The following SIGLEC11 variants were observed in gnomAD, a reference collection of about 807,000 sequenced individuals.
SIGLEC11 encodes the protein sialic acid binding Ig like lectin 11.
In SIGLEC11, 47 loss-of-function variants were observed where a neutral mutation model predicts 61.2. The observed-to-expected ratio is 0.77, with a 90% CI of 0.61 to 0.98. The LOEUF is 0.98. Ranked by LOEUF, SIGLEC11 falls within the 50% of genes least tolerant of loss-of-function variation. SIGLEC11 has a pLI of 0.00. For synonymous variants in SIGLEC11, 278 were observed against 373.1 expected (o/e 0.75, Z 2.94); for missense variants, 610 against 870.3 (o/e 0.70, Z 3.76).
In SIGLEC11 at chr19:49,955,648, T is replaced by G. The variant is rs1342811067; in HGVS notation, c.1651+2635A>C. On this transcript the variant is annotated intron_variant, in intron 8 of 10. Transcript: ENST00000447370. The surrounding 1 kb of genome is among the most constrained non-coding windows in gnomAD (Gnocchi z 4.5). ...CAGCAGCCCTCATAAAAAGAAAAAT[T>G]AGCAGGCCGGGCATGGCGGCTCACA... 6.6e-6 allele frequency among the ~76,000 whole-genome samples: 1 copy of G among 151,998 alleles called. No homozygotes were observed. The highest frequency in any genetic ancestry group is 2.4e-5 in the African/African-American group (1 of 41,386).
Position 49,955,339 on chromosome 19 carries a change from A to G in SIGLEC11, c.1651+2944T>C, listed in dbSNP as rs1488722550. Among the ~76,000 whole-genome samples the G allele has an allele frequency of 2.0e-5, 3 of 150,668 alleles. No homozygotes were observed. The highest frequency in any genetic ancestry group is 3.0e-5 in the Non-Finnish European group (2 of 67,580). On this transcript the variant is annotated intron_variant, in intron 8 of 10. Coordinates refer to ENST00000447370, the MANE Select transcript of SIGLEC11 (RefSeq NM_052884.3). The surrounding 1 kb of genome is among the most constrained non-coding windows in gnomAD (Gnocchi z 4.5). ...CAAAAAAAAAAAAAAAAAGAAAGGC[A>G]TAATTCTTACAACTTGCGGCAGGCA...
intron 8 of SIGLEC11, among the ~76,000 whole-genome samples, chr19:49,953,687 C>T (rs898320076): frequency 2.0e-5 from 3 of 152,060 alleles, no homozygotes; most frequent in Non-Finnish European, 2.9e-5. Context: ...AGGAGCTGCC[C>T]TACAGCTCAG....
intron 8 of SIGLEC11, 88 bp downstream of exon 8, chr19:49,958,195 A>G: frequency 6.4e-7 from 1 of 1,571,084 alleles, no homozygotes; most frequent in South Asian, 1.2e-5. Flanking sequence ...CACCACGCCC[A>G]CACCCTCTCC....
chr19:49,958,320 G>A lies in SIGLEC11; in HGVS notation c.1614C>T (p.His538=), dbSNP rs201518215. ...GGAAGACAGAGCCACTCTGGGCCCCGTGGACGTTCCAGGCCTTACAGCGGA... is the reference window on the plus strand; with the variant it reads ...GGAAGACAGAGCCACTCTGGGCCCCATGGACGTTCCAGGCCTTACAGCGGA... The part of the protein sequence containing the change: ...LRLRCKAWNV[H]GAQSGSVFQL... The change falls in exon 8 of 11, where the codon CAC becomes CAT. Residue 538 remains histidine (H), a synonymous_variant. Transcript: ENST00000447370. 60 of 1,614,046 alleles carry A rather than the reference G, an allele frequency of 3.7e-5. No homozygotes were observed. The highest frequency in any genetic ancestry group is 4.9e-5 in the Non-Finnish European group (58 of 1,180,040).
In SIGLEC11 at chr19:49,956,991, G is replaced by T. The variant is rs2076201018; in HGVS notation, c.1651+1292C>A. Among the ~76,000 whole-genome samples, 4 of 152,192 alleles carry T rather than the reference G, an allele frequency of 2.6e-5. No individual in the cohort carries two copies. In the South Asian group the frequency reaches 8.3e-4, roughly 31 times the overall value. ...TGCAAAAATAAAAAAATTAGCCCAT[G>T]TTCCAGTTCAAACTTGGAAAGGGTG... On this transcript the variant is annotated intron_variant, in intron 8 of 10. Coordinates refer to ENST00000447370, the MANE Select transcript of SIGLEC11 (RefSeq NM_052884.3).
chr19:49,949,988 T>G lies in SIGLEC11; in HGVS notation c.2079A>C (p.Ser693=). 1 of 1,493,578 alleles carries G rather than the reference T, an allele frequency of 6.7e-7. No homozygotes were observed. Among genetic ancestry groups the G allele is most frequent in the Non-Finnish European group, 8.9e-7 (1 of 1,117,868 alleles). The allele number at this position is 1,493,578 out of a possible 1,614,324, so 92.5% of individuals were successfully genotyped here. Residue 693 remains serine (S), a synonymous_variant, in exon 11 of 11, where the codon TCA becomes TCC. Transcript: ENST00000447370. ...GACCTCTTCACTTTGGAACCATCCCTGACATCTCCCTCTCCAATTGAAGCC... is the reference window on the plus strand; with the variant it reads ...GACCTCTTCACTTTGGAACCATCCCGGACATCTCCCTCTCCAATTGAAGCC... ...GFGLQLEREM[S]GMVPK is the part of the protein sequence containing the mutation.
chr19:49,959,256 C>T (rs577959438), intron 5 of SIGLEC11, 104 bp downstream of exon 5: 13 of 1,543,408 alleles, frequency 8.4e-6, no homozygotes, highest in Middle Eastern at 4.9e-4. Flanking sequence ...GGTCAGTCCC[C>T]GAGGCCTGGG....
chr19:49,956,278 C>T (rs901634832), intron 8 of SIGLEC11, among the ~76,000 whole-genome samples: 3 of 152,176 alleles, frequency 2.0e-5, no homozygotes, highest in African/African-American at 7.2e-5. Context: ...AGTAAAAGAA[C>T]TAAACTGCTT....
chr19:49,959,130 G>A, intron 5 of SIGLEC11, 53 bp from the exon 6 acceptor site: 1 of 1,605,398 alleles, frequency 6.2e-7, no homozygotes, highest in Non-Finnish European at 8.5e-7. Flanking sequence ...TTCCCTCTGG[G>A]TAAAGGGAAC....
rs1388081915 is a variant in SIGLEC11, at chr19:49,958,764, C to T, written c.1242G>A (p.Gln414=). The change falls in exon 7 of 11, where the codon CAG becomes CAA. Residue 414 remains glutamine, a synonymous_variant. Coordinates refer to ENST00000447370, the MANE Select transcript of SIGLEC11 (RefSeq NM_052884.3). ...GCTCCAGGACCCCGGGGTCTGAGGG[C>T]TGGGAGGGGCCCACGGTCTGTCCCC... ...TRWGQTVGPS[Q]PSDPGVLELP... is the part of the protein sequence containing the mutation. The T allele has an allele frequency of 1.2e-6, 2 of 1,613,730 alleles. No homozygotes were observed. The highest frequency in any genetic ancestry group is 1.7e-6 in the Non-Finnish European group (2 of 1,179,900).
At chr19:49,958,174 C>A in intron 8 of SIGLEC11, 109 bp downstream of exon 8, 1 of 1,501,084 alleles carries the variant, frequency 6.7e-7, no homozygotes, top group South Asian at 1.2e-5. Flanking sequence ...GACTTTGTCC[C>A]CATCCCTTCC....
chr19:49,951,065 A>G lies in SIGLEC11; in HGVS notation c.1830+826T>C, dbSNP rs891746678. Among the ~76,000 whole-genome samples, 3 of 152,208 alleles carry G rather than the reference A, an allele frequency of 2.0e-5. No individual in the cohort carries two copies. The highest frequency in any genetic ancestry group is 4.8e-5 in the African/African-American group (2 of 41,454). ...GACCTGGGACCACAAGCCAGGCCAC[A>G]TAGTTTACGCCAGCACTGGGACTTA... On this transcript the variant is annotated intron_variant, in intron 10 of 10. Coordinates refer to ENST00000447370, the MANE Select transcript of SIGLEC11 (RefSeq NM_052884.3). The surrounding 1 kb of genome is among the most constrained non-coding windows in gnomAD (Gnocchi z 4.6).
chr19:49,952,037 A>T (rs1478068350), intron 9 of SIGLEC11, 65 bp from the exon 10 acceptor site: 1 of 1,491,606 alleles, frequency 6.7e-7, no homozygotes, highest in Non-Finnish European at 9.0e-7. Flanking sequence ...ACTGCTACCC[A>T]CATGGCTTAG....
At chr19:49,956,091 C>T (rs1023030950) in intron 8 of SIGLEC11, among the ~76,000 whole-genome samples, 7 of 152,094 alleles carry the variant, frequency 4.6e-5, no homozygotes, top group African/African-American at 7.2e-5. Flanking sequence ...ACTATGTTTG[C>T]GGAGGGACTA....
chr19:49,957,152 A>G (rs531499651), intron 8 of SIGLEC11, among the ~76,000 whole-genome samples: 3 of 152,318 alleles, frequency 2.0e-5, no homozygotes, highest in South Asian at 2.1e-4. Flanking sequence ...GAAGCATTCA[A>G]TCAACTATAA....
At chr19:49,954,483 T>C (rs1468005403) in intron 8 of SIGLEC11, among the ~76,000 whole-genome samples, 1 of 152,128 alleles carries the variant, frequency 6.6e-6, no homozygotes, top group Non-Finnish European at 1.5e-5. Context: ...CAAATGCCTG[T>C]CAGGGAGATG....
At position 49,951,125 on chromosome 19, in the gene SIGLEC11, A is replaced by G. The variant is rs965535626; in HGVS notation, c.1830+766T>C. Among the ~76,000 whole-genome samples, 2 of 152,150 alleles carry G rather than the reference A, an allele frequency of 1.3e-5. No individual in the cohort carries two copies. Among genetic ancestry groups the G allele is most frequent in the Non-Finnish European group, 2.9e-5 (2 of 68,004 alleles). ...CTACGTAGCATCAGTTTGGCTCTGC[A>G]GGGGCTGAGGAACTGAAGTCAGTGG... On this transcript the variant is annotated intron_variant, in intron 10 of 10. Transcript: ENST00000447370. This position sits in a 1 kb window ranked among gnomAD's most constrained non-coding sequence, Gnocchi z 4.6.
intron 8 of SIGLEC11, 127 bp downstream of exon 8, chr19:49,958,156 A>G (rs1029715884): frequency 8.3e-5 from 112 of 1,345,176 alleles, no homozygotes; most frequent in Non-Finnish European, 5.7e-5. Flanking sequence ...TACCAGCCAC[A>G]GAGCAGGGAC....
intron 8 of SIGLEC11, among the ~76,000 whole-genome samples, chr19:49,954,799 T>C (rs1213360739): frequency 7.9e-5 from 12 of 152,062 alleles, no homozygotes; most frequent in Admixed American, 7.9e-4. Flanking sequence ...ATGCAGTGAA[T>C]GCTCAGGCAT....
Sources: gnomAD v4.1 joint callset for allele counts (sites outside exome capture counted in the v4.1 genomes callset) on GRCh38, gnomAD v4.1.1 for gene constraint, Gnocchi (gnomAD v3.1) non-coding constraint, MANE v1.5 for transcripts, NCBI Gene and HGNC (gene_info 2026-07-23, HGNC 2026-07-21) for gene names.